Variants in METTL4 observed in about 807,000 individuals in gnomAD.
METTL4 encodes the protein N(6)-adenine-specific methyltransferase METTL4.
Under a neutral mutation model 54.0 loss-of-function variants are expected in METTL4, and 40 were observed. That is an observed-to-expected ratio of 0.74 (90% CI 0.58 to 0.96). The LOEUF (loss-of-function observed/expected upper bound fraction) is 0.96, where lower values mean the gene tolerates loss of function less well. Among genes scored for constraint, METTL4 ranks in the 50% least tolerant of loss-of-function variants. The pLI, the probability that METTL4 is intolerant of heterozygous loss-of-function variation, is 0.00. For synonymous variants in METTL4, 169 were observed against 183.8 expected (o/e 0.92, Z 0.65); for missense variants, 525 against 549.0 (o/e 0.96, Z 0.44).
At chr18:2,557,665 G>C (rs868383436) in intron 3 of METTL4, among the ~76,000 whole-genome samples, 27 of 152,264 alleles carry the variant, frequency 1.8e-4, no homozygotes, top group African/African-American at 5.8e-4. Context: ...AAGAATTGCT[G>C]CATGCATAGG....
chr18:2,549,981 C>T (rs550788384), intron 5 of METTL4, among the ~76,000 whole-genome samples: 85 of 151,206 alleles, frequency 5.6e-4, no homozygotes, highest in Non-Finnish European at 1.0e-3. Context: ...GCGACAACAG[C>T]GAAACTCTGT....
At position 2,568,989 on chromosome 18, in the gene METTL4, C is replaced by A. The variant is rs1047626136; in HGVS notation, c.-438-1335G>T. 119 of 213,242 alleles carry A rather than the reference C, an allele frequency of 5.6e-4. 2 individuals carry two copies. Among genetic ancestry groups the A allele is most frequent in the Non-Finnish European group, 3.4e-4 (34 of 100,066 alleles). 13.2% of individuals were successfully genotyped at this position (213,242 alleles called of 1,614,324 possible). A position where few individuals can be genotyped will look rare whatever the true frequency, so the allele number is the denominator to read the frequency against. ...TCTAAAGGAGTGGTGGACTCAAGAG[C>A]CATTTCAGTGCTAGCTAAATAGCAG... On this transcript the variant is annotated intron_variant, in intron 1 of 8. Coordinates refer to ENST00000574538, the MANE Select transcript of METTL4 (RefSeq NM_022840.5).
At chr18:2,540,883 G>A (rs1268535870) in intron 8 of METTL4, 2 of 985,278 alleles carry the variant, frequency 2.0e-6, no homozygotes, top group African/African-American at 1.7e-5. Flanking sequence ...ATTTAAACTG[G>A]AGTCAGCCAG....
chr18:2,563,872 T>C lies in METTL4; in HGVS notation c.397-13A>G, dbSNP rs554768618. On this transcript the variant is annotated splice_polypyrimidine_tract_variant and intron_variant, in intron 2 of 8. Coordinates refer to ENST00000574538, the MANE Select transcript of METTL4 (RefSeq NM_022840.5). ...ATCTTTTACGCTTCTAAAGGGTAGA[T>C]CAATTACAGGGGAAAAGTTATGTTG... is the stretch of plus-strand genomic sequence containing the variant. The C allele has an allele frequency of 1.6e-5, 26 of 1,597,916 alleles. No individual in the cohort carries two copies. The South Asian group carries it at 2.8e-4, about 17-fold the overall frequency.
Position 2,539,070 on chromosome 18 carries a change from G to T in METTL4, c.1349C>A (p.Thr450Asn), listed in dbSNP as rs763812992. 6.2e-7 allele frequency: 1 copy of T among 1,613,680 alleles called. No homozygotes were observed. The highest frequency in any genetic ancestry group is 8.5e-7 in the Non-Finnish European group (1 of 1,179,832). ...LFARNLQPGW[T>N]SWGNEVLKFQ... The stretch of plus-strand genomic sequence containing the variant: ...TTTGAGAACTTCATTGCCCCAACTA[G>T]TCCAACCTGGCTGTAAATTTCGAGC... Residue 450 changes from threonine (T) to asparagine (N), a missense_variant, in exon 9 of 9, where the codon ACT becomes AAT. Coordinates refer to ENST00000574538, the MANE Select transcript of METTL4 (RefSeq NM_022840.5).
chr18:2,540,845 C>G (rs1598340131), intron 8 of METTL4: 2 of 985,322 alleles, frequency 2.0e-6, no homozygotes, highest in Non-Finnish European at 2.4e-6. Context: ...ATTTTTGGTA[C>G]GAAGATGTTA....
intron 7 of METTL4, 95 bp from the exon 8 acceptor site, chr18:2,544,381 C>A: frequency 1.2e-6 from 1 of 831,028 alleles, no homozygotes; most frequent in South Asian, 2.0e-5. Flanking sequence ...CTTTCTGTAT[C>A]TGATTTTAAC....
intron 2 of METTL4, among the ~76,000 whole-genome samples, chr18:2,564,359 G>C (rs1180049338): frequency 1.3e-5 from 2 of 152,086 alleles, no homozygotes; most frequent in East Asian, 3.9e-4. Context: ...AAAAGAACTA[G>C]TTCCACATGA....
intron 5 of METTL4, among the ~76,000 whole-genome samples, chr18:2,549,819 T>TGAAAAAA (rs1428613493): frequency 1.3e-5 from 1 of 79,064 alleles, no homozygotes; most frequent in South Asian, 5.6e-4. Flanking sequence ...CCATCTCTAC[T>TGAAAAAA]AAAAAAAAAA....
chr18:2,545,909 C>T (rs1178191433), intron 6 of METTL4, among the ~76,000 whole-genome samples: 1 of 152,104 alleles, frequency 6.6e-6, no homozygotes, highest in East Asian at 1.9e-4. Flanking sequence ...CATACCATCT[C>T]TTAGAACTGA....
intron 3 of METTL4, among the ~76,000 whole-genome samples, chr18:2,560,280 G>A (rs1427355272): frequency 1.3e-5 from 2 of 152,050 alleles, no homozygotes; most frequent in African/African-American, 4.8e-5. Flanking sequence ...GAGGAAAAAA[G>A]TAAAGTTGCC....
chr18:2,538,883 A>T lies in METTL4; in HGVS notation c.*117T>A. On this transcript the variant is annotated 3_prime_UTR_variant, in exon 9 of 9. Transcript: ENST00000574538. ...CTTCTGGTCCCTTACTGAAAAAAAC[A>T]AGTCCTGTTTATATTCTAAGAATAT... 8.7e-7 allele frequency: 1 copy of T among 1,154,596 alleles called. No homozygotes were observed. 71.5% of individuals were successfully genotyped at this position (1,154,596 alleles called of 1,614,324 possible). A position where few individuals can be genotyped will look rare whatever the true frequency, so the allele number is the denominator to read the frequency against.
chr18:2,543,735 A>G (rs1456702001), intron 8 of METTL4, among the ~76,000 whole-genome samples: 3 of 152,220 alleles, frequency 2.0e-5, no homozygotes, highest in Non-Finnish European at 4.4e-5. Flanking sequence ...TTACCTGTCA[A>G]TGTTCCAGAA....
At chr18:2,570,470 A>G (rs186309513) in intron 1 of METTL4, among the ~76,000 whole-genome samples, 306 of 152,350 alleles carry the variant, frequency 2.0e-3, no homozygotes, top group South Asian at 3.3e-3. Flanking sequence ...ATCTAGTCAG[A>G]AAAGCAAATG....
intron 2 of METTL4, among the ~76,000 whole-genome samples, chr18:2,565,206 G>C (rs745849842): frequency 7.2e-5 from 11 of 152,014 alleles, no homozygotes; most frequent in Non-Finnish European, 1.2e-4. Context: ...TTGAACCTGA[G>C]AGGCAGAGGT....
intron 5 of METTL4, among the ~76,000 whole-genome samples, chr18:2,549,443 C>A (rs1271874897): frequency 2.0e-5 from 3 of 152,068 alleles, no homozygotes; most frequent in African/African-American, 7.2e-5. Flanking sequence ...AAGAAGAGGA[C>A]AGAGAATACA....
intron 3 of METTL4, among the ~76,000 whole-genome samples, chr18:2,555,829 A>T (rs1335601753): frequency 6.9e-6 from 1 of 144,792 alleles, no homozygotes; most frequent in African/African-American, 2.7e-5. Context: ...GGTTGGTTGG[A>T]TGGTTGGTAT....
At chr18:2,568,388 T>C (rs1371537637) in intron 1 of METTL4, 1 of 152,236 alleles carries the variant, frequency 6.6e-6, no homozygotes, top group Non-Finnish European at 1.5e-5. Flanking sequence ...CAGTGACACA[T>C]GATGGCAGTC....
At chr18:2,547,820 T>C (rs1197089896) in intron 5 of METTL4, among the ~76,000 whole-genome samples, 1 of 152,178 alleles carries the variant, frequency 6.6e-6, no homozygotes, top group African/African-American at 2.4e-5. Context: ...TTTTCTCCAA[T>C]TCAAAATTAA....
Sources: gnomAD v4.1 joint callset for allele counts (sites outside exome capture counted in the v4.1 genomes callset) on GRCh38, gnomAD v4.1.1 for gene constraint, MANE v1.5 for transcripts, NCBI Gene and HGNC (gene_info 2026-07-23, HGNC 2026-07-21) for gene names.